The following AXIN2 variants were observed in gnomAD, a reference collection of about 807,000 sequenced individuals.
AXIN2 encodes axin 2.
AXIN2 carries 21 observed loss-of-function variants against 74.7 expected under a neutral mutation model. That is an observed-to-expected ratio of 0.28 (90% CI 0.20 to 0.40). The LOEUF (loss-of-function observed/expected upper bound fraction) is 0.40. AXIN2 is among the 10% of genes least tolerant of loss of function. AXIN2 has a pLI of 1.00. For synonymous variants in AXIN2, 532 were observed against 454.9 expected, an observed-to-expected ratio of 1.17 and a Z score of -2.16; for missense variants, 1,144 against 1,111.1, an observed-to-expected ratio of 1.03 and a Z score of -0.42.
intron 2 of AXIN2, among the ~76,000 whole-genome samples, chr17:65,553,848 G>A (rs1469953873): frequency 8.2e-5 from 3 of 36,656 alleles, no homozygotes; most frequent in Non-Finnish European, 1.8e-4. Context: ...AAAAAAAGGC[G>A]GGGGGGGGGG....
rs115924219 is a variant in AXIN2 at position 65,544,831 on chromosome 17, G to A, written c.957-3274C>T. 8.5e-3 allele frequency among the ~76,000 whole-genome samples: 1,295 copies of A among 152,228 alleles called. 16 individuals are homozygous for A. The highest frequency in any genetic ancestry group is 0.03 in the African/African-American group (1,229 of 41,526). ...TTAGCCTTTTGACTCCACCGTGCCC[G>A]ACCTAACCTGAATGTCATTTTCTGG... On this transcript the variant is annotated intron_variant, in intron 3 of 10. Transcript: ENST00000307078.
chr17:65,549,481 T>G (rs549469886), intron 3 of AXIN2, 39 bp downstream of exon 3: 1 of 1,610,406 alleles, frequency 6.2e-7, no homozygotes, highest in African/African-American at 1.3e-5. Context: ...TGGCATCCAC[T>G]CCCAAGCAAG....
chr17:65,543,058 G>A (rs949462784), intron 3 of AXIN2, among the ~76,000 whole-genome samples: 1 of 152,170 alleles, frequency 6.6e-6, no homozygotes, highest in African/African-American at 2.4e-5. Flanking sequence ...GATTCCAATA[G>A]ATCAACAAAC....
chr17:65,536,439 G>A lies in AXIN2; in HGVS notation c.2022C>T (p.Pro674=), dbSNP rs556551269. 2 of 1,601,504 alleles carry A rather than the reference G, an allele frequency of 1.2e-6. No individual in the cohort carries two copies. Among genetic ancestry groups the A allele is most frequent in the Non-Finnish European group, 1.7e-6 (2 of 1,179,646 alleles). Residue 674 remains proline (P), a synonymous_variant, in exon 8 of 11, where the codon CCC becomes CCT. Transcript: ENST00000307078. The stretch of plus-strand genomic sequence containing the variant: ...GGTCCTGGGTGAACAGGTGGGCACG[G>A]GGGGTGGTGCGGGGGTGCCCGCTGT... ...GGNSGHPRTT[P]RAHLFTQDPA... is the part of the protein sequence containing the mutation.
At chr17:65,537,917 T>G (rs953346168) in intron 5 of AXIN2, 82 bp from the exon 6 acceptor site, 1 of 1,472,250 alleles carries the variant, frequency 6.8e-7, no homozygotes, top group Non-Finnish European at 9.1e-7. Flanking sequence ...TTCGGCTCCC[T>G]ACGCAGGAGC....
rs2043782215 is a variant in AXIN2 at position 65,529,576 on chromosome 17, G to C, written c.*400C>G. ...GTTTAAAGCAGCATATCCATAAACT[G>C]GGGATGGGGGAAATCAACTGTTCTA... On this transcript the variant is annotated 3_prime_UTR_variant, in exon 11 of 11. Transcript: ENST00000307078. 2.9e-6 allele frequency: 1 copy of C among 350,826 alleles called. No homozygotes were observed. The highest frequency in any genetic ancestry group is 5.3e-6 in the Non-Finnish European group (1 of 188,462). 21.7% of individuals were successfully genotyped at this position (350,826 alleles called of 1,614,324 possible).
chr17:65,541,416 G>A (rs2044040407), intron 4 of AXIN2, 39 bp downstream of exon 4: 2 of 1,546,416 alleles, frequency 1.3e-6, no homozygotes, highest in African/African-American at 1.4e-5. Flanking sequence ...ACTCAACATG[G>A]CAGAAAACAG....
At chr17:65,540,697 A>G (rs2044027858) in intron 4 of AXIN2, among the ~76,000 whole-genome samples, 1 of 152,000 alleles carries the variant, frequency 6.6e-6, no homozygotes, top group Non-Finnish European at 1.5e-5. Flanking sequence ...TGGTTGTTTG[A>G]AAGAACATGG....
At chr17:65,545,001 A>T (rs2044097709) in intron 3 of AXIN2, among the ~76,000 whole-genome samples, 1 of 152,242 alleles carries the variant, frequency 6.6e-6, no homozygotes, top group Non-Finnish European at 1.5e-5. Flanking sequence ...ACTCAGATGC[A>T]TTTCCTGGTG....
At chr17:65,546,352 G>C (rs1321858679) in intron 3 of AXIN2, among the ~76,000 whole-genome samples, 2 of 152,220 alleles carry the variant, frequency 1.3e-5, no homozygotes, top group African/African-American at 4.8e-5. Flanking sequence ...ACAATTGGCA[G>C]AGTTCTGAAG....
At chr17:65,535,589 T>C (rs774915547) in intron 9 of AXIN2, 37 bp downstream of exon 9, 15 of 1,579,316 alleles carry the variant, frequency 9.5e-6, no homozygotes, top group Non-Finnish European at 1.3e-5. Flanking sequence ...CATAAAGCAC[T>C]CGGCAGATCT....
At chr17:65,538,977 C>A (rs1002852221) in intron 4 of AXIN2, among the ~76,000 whole-genome samples, 3 of 152,084 alleles carry the variant, frequency 2.0e-5, no homozygotes, top group African/African-American at 7.2e-5. Flanking sequence ...TCTCTTTGTA[C>A]AGAAAATGAA....
At chr17:65,534,335 G>GT (rs1230003316) in intron 9 of AXIN2, among the ~76,000 whole-genome samples, 1 of 152,114 alleles carries the variant, frequency 6.6e-6, no homozygotes, top group African/African-American at 2.4e-5. Flanking sequence ...GTACAAATTG[G>GT]TATCATTTCC....
intron 10 of AXIN2, among the ~76,000 whole-genome samples, chr17:65,530,438 G>A (rs915491216): frequency 1.3e-5 from 2 of 152,216 alleles, no homozygotes; most frequent in Admixed American, 6.5e-5. Flanking sequence ...TTTTTCAGCA[G>A]TGGGGTGGGG....
intron 4 of AXIN2, among the ~76,000 whole-genome samples, chr17:65,539,432 T>G (rs574739706): frequency 1.2e-4 from 19 of 152,334 alleles, no homozygotes; most frequent in African/African-American, 4.6e-4. Context: ...ATCAAAGCGC[T>G]GCCTGATGGA....
intron 1 of AXIN2, chr17:65,561,153 TC>T (rs1235971365): frequency 6.7e-6 from 1 of 149,686 alleles, no homozygotes; most frequent in Non-Finnish European, 1.5e-5. Flanking sequence ...CCAAATGTCC[TC>T]CGGGCGCTTC....
chr17:65,553,958 A>G (rs1214782391), intron 2 of AXIN2, among the ~76,000 whole-genome samples: 2 of 152,064 alleles, frequency 1.3e-5, no homozygotes, highest in Non-Finnish European at 2.9e-5. Context: ...ATTCCTACAC[A>G]GAGTAGAGGC....
intron 2 of AXIN2, among the ~76,000 whole-genome samples, chr17:65,553,851 G>C (rs377090555): frequency 6.7e-6 from 1 of 149,136 alleles, no homozygotes; most frequent in African/African-American, 2.5e-5. Flanking sequence ...AAAAGGCGGG[G>C]GGGGGGGGAG....
At chr17:65,547,999 G>C (rs1026115063) in intron 3 of AXIN2, among the ~76,000 whole-genome samples, 1 of 152,178 alleles carries the variant, frequency 6.6e-6, no homozygotes, top group Non-Finnish European at 1.5e-5. Flanking sequence ...AATAATGACA[G>C]AGCAAAATGT....
Sources: gnomAD v4.1 joint callset for allele counts (sites outside exome capture counted in the v4.1 genomes callset) on GRCh38, gnomAD v4.1.1 for gene constraint, MANE v1.5 for transcripts, NCBI Gene and HGNC (gene_info 2026-07-23, HGNC 2026-07-21) for gene names.